Variants in NF1 observed in about 807,000 individuals in gnomAD.
NF1 encodes the protein neurofibromin 1.
NF1 carries 122 observed loss-of-function variants against 325.7 expected under a neutral mutation model. That is an observed-to-expected ratio of 0.37 (90% confidence interval 0.32 to 0.44). The LOEUF is 0.44. Ranked by LOEUF, NF1 falls within the 20% of genes least tolerant of loss-of-function variation. The pLI is 1.00. For synonymous variants in NF1, 1,091 were observed against 1,186.0 expected (o/e 0.92, Z 1.65); for missense variants, 2,140 against 3,415.4 (o/e 0.63, Z 9.31).
chr17:31,179,801 T>C (rs898443898), intron 5 of NF1, among the ~76,000 whole-genome samples: 22 of 149,216 alleles, frequency 1.5e-4, no homozygotes, highest in African/African-American at 4.4e-4. Flanking sequence ...AAAAAATCAA[T>C]GAATCCAGGA....
intron 14 of NF1, among the ~76,000 whole-genome samples, chr17:31,220,463 T>C (rs1236385556): frequency 6.6e-6 from 1 of 152,122 alleles, no homozygotes; most frequent in Non-Finnish European, 1.5e-5. Context: ...ATCTTATGAA[T>C]ATAACTCAAA....
intron 29 of NF1, among the ~76,000 whole-genome samples, chr17:31,247,688 T>C (rs1417544186): frequency 6.6e-6 from 1 of 152,152 alleles, no homozygotes; most frequent in Non-Finnish European, 1.5e-5. Flanking sequence ...CCTTAGAGAA[T>C]CTCTTATGTG....
chr17:31,151,726 T>C (rs1452913730), intron 1 of NF1, among the ~76,000 whole-genome samples: 1 of 152,200 alleles, frequency 6.6e-6, no homozygotes, highest in East Asian at 1.9e-4. Context: ...ATTTAGGGAA[T>C]AATGACGAAA....
In NF1 at chr17:31,163,286, A is replaced by T. The variant is rs876660277; in HGVS notation, c.389A>T (p.His130Leu). The change falls in exon 4 of 58, where the codon CAT (histidine) becomes CTT (leucine). Residue 130 changes from histidine (H) to leucine (L), a missense_variant. Transcript: ENST00000358273. ...CACACCTGTCGTGAAGGAAACCAGC[A>T]TGCAGCTGAACTTCGGAATTCTGCC... ...FLHTCREGNQ[H>L]AAELRNSASG... is the part of the protein sequence containing the mutation. The T allele has an allele frequency of 1.2e-6, 2 of 1,614,196 alleles. No homozygotes were observed. Among genetic ancestry groups the T allele is most frequent in the African/African-American group, 1.3e-5 (1 of 75,064 alleles).
At chr17:31,277,351 G>A (rs187461566) in intron 36 of NF1, among the ~76,000 whole-genome samples, 251 of 152,316 alleles carry the variant, frequency 1.6e-3, no homozygotes, top group Non-Finnish European at 1.8e-3. Context: ...ACTAGAAACA[G>A]ACGGTTCAGT....
chr17:31,296,124 G>T, intron 36 of NF1: 1 of 1,611,008 alleles, frequency 6.2e-7, no homozygotes, highest in Non-Finnish European at 8.5e-7. Flanking sequence ...TGGTTATGCA[G>T]ATCAGTAAAG....
intron 12 of NF1, among the ~76,000 whole-genome samples, chr17:31,212,414 G>T (rs2066744711): frequency 6.6e-6 from 1 of 152,196 alleles, no homozygotes; most frequent in Non-Finnish European, 1.5e-5. Flanking sequence ...ACAATACAAA[G>T]TATACTATAG....
At chr17:31,162,205 A>G (rs1445413246) in intron 3 of NF1, among the ~76,000 whole-genome samples, 1 of 150,034 alleles carries the variant, frequency 6.7e-6, no homozygotes, top group African/African-American at 2.5e-5. Context: ...GGCCAGGCGT[A>G]GTGGCTCACG....
In NF1 at chr17:31,144,103, T is replaced by G. The variant is rs78307893; in HGVS notation, c.61-11880T>G. On this transcript the variant is annotated intron_variant, in intron 1 of 57. Coordinates refer to ENST00000358273, the MANE Select transcript of NF1 (RefSeq NM_001042492.3). Reference sequence around the variant, plus strand: ...CTCCCAAAGTGCTGGGATTACAGGCTTGAGCCACTGCGCCTGGCCTTGTTC... The same window carrying G: ...CTCCCAAAGTGCTGGGATTACAGGCGTGAGCCACTGCGCCTGGCCTTGTTC... Among the ~76,000 whole-genome samples, 336 of 152,218 alleles carry G rather than the reference T, an allele frequency of 2.2e-3. 4 individuals are homozygous for G. Among genetic ancestry groups the G allele is most frequent in the Non-Finnish European group, 2.1e-3 (143 of 67,982 alleles).
At chr17:31,248,066 G>A (rs892719239) in intron 29 of NF1, among the ~76,000 whole-genome samples, 1 of 152,106 alleles carries the variant, frequency 6.6e-6, no homozygotes, top group Non-Finnish European at 1.5e-5. Context: ...GCCGGGCGTG[G>A]TGGCCCATGC....
chr17:31,350,347 A>C (rs992243720), intron 50 of NF1, 29 bp downstream of exon 50: 3 of 1,596,106 alleles, frequency 1.9e-6, no homozygotes, highest in Non-Finnish European at 2.6e-6. Flanking sequence ...CTATAATTAC[A>C]TAATCATAAT....
At chr17:31,252,863 G>A in intron 30 of NF1, 75 bp from the exon 31 acceptor site, 2 of 1,196,224 alleles carry the variant, frequency 1.7e-6, no homozygotes, top group Non-Finnish European at 1.2e-6. Context: ...GTAATTTTAT[G>A]TACAAGCCAA....
At chr17:31,209,873 T>G (rs1407188063) in intron 12 of NF1, among the ~76,000 whole-genome samples, 1 of 152,142 alleles carries the variant, frequency 6.6e-6, no homozygotes, top group African/African-American at 2.4e-5. Context: ...ACTCTTGAAC[T>G]GTGACCTCAG....
chr17:31,336,212 T>C lies in NF1; in HGVS notation c.6007-121T>C. 6 of 1,000,996 alleles carry C rather than the reference T, an allele frequency of 6.0e-6. No homozygotes were observed. The highest frequency in any genetic ancestry group is 9.0e-6 in the Non-Finnish European group (6 of 666,298). The allele number at this position is 1,000,996 out of a possible 1,614,324, so 62.0% of individuals were successfully genotyped here. ...CAGGCCTGTAAATAAAATCTAGTATTTTTGAGGCCTCAGGTAAAATAGAAT... is the reference window on the plus strand; with the variant it reads ...CAGGCCTGTAAATAAAATCTAGTATCTTTGAGGCCTCAGGTAAAATAGAAT... On this transcript the variant is annotated intron_variant, in intron 40 of 57. Transcript: ENST00000358273. The surrounding 1 kb of genome is among the most constrained non-coding windows in gnomAD (Gnocchi z 5.5).
chr17:31,191,306 G>T (rs1017675791), intron 8 of NF1, among the ~76,000 whole-genome samples: 3 of 151,922 alleles, frequency 2.0e-5, no homozygotes, highest in Non-Finnish European at 2.9e-5. Flanking sequence ...TCACACAAAG[G>T]CATATACCTT....
chr17:31,195,248 G>GT (rs1271568339), intron 8 of NF1, among the ~76,000 whole-genome samples: 2 of 152,082 alleles, frequency 1.3e-5, no homozygotes, highest in Non-Finnish European at 2.9e-5. Context: ...CCTAAGTCAA[G>GT]TACTGCTACT....
intron 36 of NF1, among the ~76,000 whole-genome samples, chr17:31,266,735 C>T (rs567548205): frequency 7.3e-5 from 7 of 95,442 alleles, no homozygotes; most frequent in Admixed American, 4.1e-4. Context: ...AACAAAGCTG[C>T]GTTTTTTTTT....
intron 36 of NF1, chr17:31,318,625 T>A: frequency 1.2e-6 from 2 of 1,614,116 alleles, no homozygotes; most frequent in Non-Finnish European, 1.7e-6. Context: ...CATGTTGTTG[T>A]TGTTTTCCGC....
chr17:31,179,331 G>A (rs1021620420), intron 5 of NF1, among the ~76,000 whole-genome samples: 1 of 152,060 alleles, frequency 6.6e-6, no homozygotes, highest in Non-Finnish European at 1.5e-5. Flanking sequence ...AATACACAAC[G>A]TACCAAAACC....
Sources: gnomAD v4.1 joint callset for allele counts (sites outside exome capture counted in the v4.1 genomes callset) on GRCh38, gnomAD v4.1.1 for gene constraint, Gnocchi (gnomAD v3.1) non-coding constraint, MANE v1.5 for transcripts, NCBI Gene and HGNC (gene_info 2026-07-23, HGNC 2026-07-21) for gene names.